The following CDH18 variants were observed in gnomAD, a reference collection of about 807,000 sequenced individuals.
The protein encoded by CDH18 is cadherin-18.
In CDH18, 31 loss-of-function variants were observed where a neutral mutation model predicts 67.9. The ratio of observed to expected loss-of-function variants is 0.46; its 90% confidence interval spans 0.34 to 0.62. The LOEUF is 0.62. Ranked by LOEUF, CDH18 falls within the 20% of genes least tolerant of loss-of-function variation. The probability of loss-of-function intolerance (pLI) is 0.01; values close to 1 mark genes in which losing one functional copy is unlikely to be tolerated. For missense variants in CDH18, 890 were observed against 975.5 expected (o/e 0.91, Z 1.17); for synonymous variants, 362 against 347.2 (o/e 1.04, Z -0.48).
intron 4 of CDH18, among the ~76,000 whole-genome samples, chr5:19,739,985 G>GA (rs554030221): frequency 4.7e-5 from 7 of 149,300 alleles, no homozygotes; most frequent in East Asian, 2.0e-4. Context: ...GATTGGAGGT[G>GA]AAAAAAAAAG....
upstream of CDH18, among the ~76,000 whole-genome samples, chr5:19,989,720 A>G (rs1799875034): frequency 6.6e-6 from 1 of 152,176 alleles, no homozygotes; most frequent in South Asian, 2.1e-4. Context: ...AATCGGCTAA[A>G]GTTATATTTG....
intron 5 of CDH18, among the ~76,000 whole-genome samples, chr5:19,709,651 GAGAA>G (rs542625459): frequency 7.3e-6 from 1 of 136,318 alleles, no homozygotes; most frequent in Non-Finnish European, 1.6e-5. Flanking sequence ...AGAAAAAGGA[GAGAA>G]AGAGAGAAAG....
intron 9 of CDH18, among the ~76,000 whole-genome samples, chr5:19,531,474 A>G (rs532489024): frequency 2.6e-5 from 4 of 152,200 alleles, no homozygotes; most frequent in Non-Finnish European, 4.4e-5. Flanking sequence ...ACGTGAAGCA[A>G]CTGCTGATGG....
At chr5:19,939,495 C>T (rs1364740260) in intron 2 of CDH18, among the ~76,000 whole-genome samples, 2 of 151,680 alleles carry the variant, frequency 1.3e-5, no homozygotes, top group African/African-American at 2.4e-5. Context: ...TTCACCACTG[C>T]ATCACTGATT....
intron 2 of CDH18, among the ~76,000 whole-genome samples, chr5:20,003,674 C>T (rs1175348394): frequency 2.0e-5 from 3 of 152,092 alleles, no homozygotes; most frequent in Non-Finnish European, 4.4e-5. Flanking sequence ...GTGCGGATCA[C>T]GAGGTCAGGA....
intron 5 of CDH18, among the ~76,000 whole-genome samples, chr5:19,697,841 C>G (rs533412012): frequency 6.6e-6 from 1 of 152,200 alleles, no homozygotes; most frequent in African/African-American, 2.4e-5. Flanking sequence ...GTTGATTCCT[C>G]TAAGTGTTCA....
rs149437116 is a variant in CDH18, at chr5:20,526,064, G to A, written c.-580+49398C>T. 3.8e-3 allele frequency among the ~76,000 whole-genome samples: 573 copies of A among 151,594 alleles called. 6 individuals carry two copies. Among genetic ancestry groups the A allele is most frequent in the African/African-American group, 0.013 (552 of 40,934 alleles). ...TCTTCTGCCAGTGCAAGGGAGGCTG[G>A]GTTTTCCCCTGCCAGTGCAAGGGAG... On this transcript the variant is annotated intron_variant, in intron 1 of 14. Coordinates refer to the CDH18 transcript ENST00000507958.
chr5:20,045,075 T>G (rs2150479734), intron 2 of CDH18, among the ~76,000 whole-genome samples: 1 of 152,296 alleles, frequency 6.6e-6, no homozygotes, highest in East Asian at 1.9e-4. Flanking sequence ...ACCCTCTCTC[T>G]ACTGTAAACA....
intron 1 of CDH18, among the ~76,000 whole-genome samples, chr5:20,555,055 C>G (rs1227804765): frequency 6.6e-6 from 1 of 152,062 alleles, no homozygotes; most frequent in Non-Finnish European, 1.5e-5. Flanking sequence ...TTGCCGTAAC[C>G]CCCAGTGTTT....
chr5:19,688,486 A>G (rs1761425114), intron 5 of CDH18, among the ~76,000 whole-genome samples: 2 of 152,178 alleles, frequency 1.3e-5, no homozygotes, highest in African/African-American at 4.8e-5. Context: ...TGCACCCATA[A>G]TCAAATTTAA....
Position 19,879,605 on chromosome 5 carries a change from A to C in CDH18, c.-256-40363T>G, listed in dbSNP as rs1787400243. Among the ~76,000 whole-genome samples the C allele has an allele frequency of 2.6e-5, 4 of 152,038 alleles. No homozygotes were observed. In the South Asian group the frequency reaches 8.3e-4, roughly 31 times the overall value. On this transcript the variant is annotated intron_variant, in intron 2 of 12. Transcript: ENST00000382275. ...CAGCAGTAGATATAAAGTATTCATT[A>C]AAATAATTGGAACAACACTGTGATT...
chr5:19,541,660 A>C (rs1438110707), intron 9 of CDH18, among the ~76,000 whole-genome samples: 1 of 151,786 alleles, frequency 6.6e-6, no homozygotes, highest in African/African-American at 2.4e-5. Context: ...GTGCAGGGGA[A>C]CTCCCCTTTA....
In CDH18 at chr5:20,308,076, C is replaced by A. The variant is rs563860700; in HGVS notation, c.-579-52571G>T. Among the ~76,000 whole-genome samples, 138 of 127,634 alleles carry A rather than the reference C, an allele frequency of 1.1e-3. 1 individual carries two copies. The highest frequency in any genetic ancestry group is 4.7e-3 in the African/African-American group (135 of 28,702). The allele number at this position is 127,634 out of a possible 152,430, so 83.7% of individuals were successfully genotyped here. ...ATATTATTTGCCTCTTTGAATACTA[C>A]TGCTTTTTTTTTTTTTTTTTTTTTT... On this transcript the variant is annotated intron_variant, in intron 1 of 14. Transcript: ENST00000507958.
chr5:20,106,539 A>C (rs899249800), intron 2 of CDH18, among the ~76,000 whole-genome samples: 1 of 152,146 alleles, frequency 6.6e-6, no homozygotes, highest in Non-Finnish European at 1.5e-5. Context: ...TTTTTATATC[A>C]ATTTTCATGT....
intron 1 of CDH18, among the ~76,000 whole-genome samples, chr5:20,343,647 A>C (rs536914807): frequency 1.6e-4 from 25 of 152,224 alleles, no homozygotes; most frequent in Admixed American, 5.2e-4. Context: ...CACCTCTCTC[A>C]CTGGACACAA....
chr5:19,544,877 T>C (rs1420517817), intron 8 of CDH18, among the ~76,000 whole-genome samples: 1 of 152,172 alleles, frequency 6.6e-6, no homozygotes, highest in Admixed American at 6.6e-5. Flanking sequence ...AGATGCACGA[T>C]GGAGTGCCCC....
chr5:19,510,229 T>C (rs1267445084), intron 10 of CDH18, among the ~76,000 whole-genome samples: 1 of 152,096 alleles, frequency 6.6e-6, no homozygotes, highest in Non-Finnish European at 1.5e-5. Context: ...TTCAAAAGTG[T>C]TTTCAAGATA....
chr5:20,099,149 C>T (rs1746244102), intron 2 of CDH18, among the ~76,000 whole-genome samples: 1 of 152,150 alleles, frequency 6.6e-6, no homozygotes, highest in Admixed American at 6.5e-5. Context: ...TCTGGCAGCA[C>T]ATAATGAAAA....
In CDH18 at chr5:20,267,225, C is replaced by T. The variant is rs1745108984; in HGVS notation, c.-579-11720G>A. 2.0e-5 allele frequency among the ~76,000 whole-genome samples: 3 copies of T among 152,120 alleles called. No homozygotes were observed. The South Asian group carries it at 6.2e-4, about 31-fold the overall frequency. On this transcript the variant is annotated intron_variant, in intron 1 of 14. Transcript: ENST00000507958. ...CAAAGTATGTTCTTATCATCTTTGTCAAAGGTCACTTAACTGGAAATATGT... is the reference window on the plus strand; with the variant it reads ...CAAAGTATGTTCTTATCATCTTTGTTAAAGGTCACTTAACTGGAAATATGT...
Sources: gnomAD v4.1 joint callset for allele counts (sites outside exome capture counted in the v4.1 genomes callset) on GRCh38, gnomAD v4.1.1 for gene constraint, MANE v1.5 for transcripts, NCBI Gene and HGNC (gene_info 2026-07-23, HGNC 2026-07-21) for gene names.